SH2D4B: variants seen among roughly 807,000 people sequenced by gnomAD.
SH2D4B encodes the protein SH2 domain containing 4B.
SH2D4B carries 45 observed loss-of-function variants against 61.5 expected under a neutral mutation model. The observed-to-expected ratio is 0.73, with a 90% confidence interval of 0.58 to 0.94. SH2D4B has a LOEUF of 0.94. Among genes scored for constraint, SH2D4B ranks in the 40% least tolerant of loss-of-function variants. SH2D4B has a pLI of 0.00. For missense variants in SH2D4B, 572 were observed against 574.2 expected, an observed-to-expected ratio of 1.00 and a Z score of 0.04; for synonymous variants, 224 against 220.4, an observed-to-expected ratio of 1.02 and a Z score of -0.14.
At chr10:80,612,626 G>A (rs1842616010) in intron 6 of SH2D4B, among the ~76,000 whole-genome samples, 1 of 152,166 alleles carries the variant, frequency 6.6e-6, no homozygotes, top group South Asian at 2.1e-4. Flanking sequence ...TTTTTCTTAC[G>A]AGGAACTGCA....
At chr10:80,564,375 C>G (rs1841941139) in intron 1 of SH2D4B, among the ~76,000 whole-genome samples, 1 of 152,204 alleles carries the variant, frequency 6.6e-6, no homozygotes, top group Non-Finnish European at 1.5e-5. Context: ...TCAGCCCTCC[C>G]CTCATCTACC....
At chr10:80,578,304 C>T (rs745325400) in intron 3 of SH2D4B, among the ~76,000 whole-genome samples, 10 of 152,054 alleles carry the variant, frequency 6.6e-5, no homozygotes, top group Non-Finnish European at 1.5e-4. Context: ...TAGGAATGTA[C>T]CAACAACCTT....
At chr10:80,577,511 C>T (rs1202295955) in intron 3 of SH2D4B, among the ~76,000 whole-genome samples, 1 of 151,746 alleles carries the variant, frequency 6.6e-6, no homozygotes. Flanking sequence ...ACTGCAAGCT[C>T]CACCTCCCAG....
chr10:80,614,339 G>T (rs1024452249), intron 6 of SH2D4B, among the ~76,000 whole-genome samples: 7 of 152,338 alleles, frequency 4.6e-5, no homozygotes, highest in Admixed American at 2.0e-4. Flanking sequence ...TGGGAGGAAG[G>T]TGGGTAGTGG....
intron 6 of SH2D4B, 27 bp from the exon 7 acceptor site, chr10:80,634,258 T>G (rs950708191): frequency 6.7e-7 from 1 of 1,485,218 alleles, no homozygotes; most frequent in Admixed American, 2.5e-5. Flanking sequence ...CTGCTGTGTT[T>G]TTTTGTTTTT....
chr10:80,588,336 T>C (rs545427208), intron 3 of SH2D4B, among the ~76,000 whole-genome samples: 2 of 152,316 alleles, frequency 1.3e-5, no homozygotes, highest in South Asian at 4.1e-4. Flanking sequence ...TGAGTTTCAG[T>C]AATTTGATAC....
In SH2D4B at chr10:80,634,350, C is replaced by T. The variant is rs764622468; in HGVS notation, c.1054C>T (p.Arg352Trp). 42 of 1,550,064 alleles carry T rather than the reference C, an allele frequency of 2.7e-5. No homozygotes were observed. The East Asian group carries it at 4.9e-4, about 18-fold the overall frequency. ...CATGACTGAGGGAGCATTCCTGGTC[C>T]GGGTCAGTGAGAAAATCTGGGGTTA... Reference protein sequence around the residue: ...ENMTEGAFLVRVSEKIWGYTL... With the variant: ...ENMTEGAFLVWVSEKIWGYTL... The change falls in exon 7 of 8, where the codon CGG becomes TGG. Residue 352 changes from arginine to tryptophan, a missense_variant. Arg to Trp is a moderately radical substitution (Grantham distance 101). Transcript: ENST00000646907.
At position 80,571,520 on chromosome 10, in the gene SH2D4B, A is replaced by T. The variant is rs979405480; in HGVS notation, c.437A>T (p.Glu146Val). ...ATCTTGGCGGAGAAGTGGAAAGTGG[A>T]GATGGAAGACCGCAAGGCTGCCAAA... ...ARILAEKWKV[E>V]MEDRKAAKVL... is the part of the protein sequence containing the mutation. Residue 146 changes from glutamate (E) to valine (V), a missense_variant, in exon 3 of 8, where the codon GAG becomes GTG. Transcript: ENST00000646907. 4 of 1,613,972 alleles carry T rather than the reference A, an allele frequency of 2.5e-6. No individual in the cohort carries two copies. Among genetic ancestry groups the T allele is most frequent in the Non-Finnish European group, 3.4e-6 (4 of 1,180,030 alleles).
At chr10:80,570,037 T>C (rs2132117536) in intron 1 of SH2D4B, 117 bp from the exon 2 acceptor site, 1 of 1,275,476 alleles carries the variant, frequency 7.8e-7, no homozygotes, top group East Asian at 2.4e-5. Context: ...GGCATTCTTT[T>C]TGTGGATGAC....
intron 3 of SH2D4B, among the ~76,000 whole-genome samples, chr10:80,586,947 C>T (rs1433351295): frequency 6.6e-6 from 1 of 151,938 alleles, no homozygotes; most frequent in East Asian, 1.9e-4. Flanking sequence ...CGGAGGTCCG[C>T]AGCTTCACTC....
intron 4 of SH2D4B, among the ~76,000 whole-genome samples, chr10:80,598,025 A>C (rs1372002800): frequency 6.6e-6 from 1 of 152,242 alleles, no homozygotes; most frequent in Non-Finnish European, 1.5e-5. Flanking sequence ...TTATACTGAC[A>C]AAAAATCGTG....
At chr10:80,624,337 C>T (rs543181851) in intron 6 of SH2D4B, among the ~76,000 whole-genome samples, 5 of 152,228 alleles carry the variant, frequency 3.3e-5, no homozygotes, top group Non-Finnish European at 5.9e-5. Flanking sequence ...TTAAGGACAG[C>T]TCCTCCAGTT....
chr10:80,607,924 T>C (rs1160728539), intron 5 of SH2D4B, among the ~76,000 whole-genome samples: 2 of 152,080 alleles, frequency 1.3e-5, no homozygotes, highest in Non-Finnish European at 2.9e-5. Flanking sequence ...TGAGACAGAG[T>C]CTTGCTCTGT....
At chr10:80,634,550 G>T (rs2132162348) in intron 7 of SH2D4B, 45 bp downstream of exon 7, 1 of 1,542,216 alleles carries the variant, frequency 6.5e-7, no homozygotes. Context: ...GGAACTGGTG[G>T]AAATTGGAGC....
At chr10:80,593,440 C>A (rs1055747258) in intron 4 of SH2D4B, among the ~76,000 whole-genome samples, 1 of 152,150 alleles carries the variant, frequency 6.6e-6, no homozygotes, top group Admixed American at 6.5e-5. Flanking sequence ...TTCCTAATGG[C>A]GTATTCTTTC....
chr10:80,622,797 A>T (rs12219619), intron 6 of SH2D4B, among the ~76,000 whole-genome samples: 2 of 152,108 alleles, frequency 1.3e-5, no homozygotes, highest in Admixed American at 6.5e-5. Flanking sequence ...CTGTATAGAC[A>T]TTGGTATCAT....
intron 6 of SH2D4B, among the ~76,000 whole-genome samples, chr10:80,622,359 A>G (rs1842724879): frequency 6.6e-6 from 1 of 152,034 alleles, no homozygotes; most frequent in South Asian, 2.1e-4. Flanking sequence ...ATGTGATTTG[A>G]CCTCGATGAT....
intron 1 of SH2D4B, among the ~76,000 whole-genome samples, chr10:80,546,454 C>A (rs1439611355): frequency 6.6e-6 from 1 of 152,082 alleles, no homozygotes; most frequent in Non-Finnish European, 1.5e-5. Flanking sequence ...CCTGTATCTC[C>A]CACCACAGCC....
intron 6 of SH2D4B, 22 bp from the exon 7 acceptor site, chr10:80,634,263 G>A: frequency 2.0e-6 from 3 of 1,490,592 alleles, no homozygotes; most frequent in South Asian, 1.3e-5. Flanking sequence ...GTGTTTTTTT[G>A]TTTTTTTCTA....
Sources: gnomAD v4.1 joint callset for allele counts (sites outside exome capture counted in the v4.1 genomes callset) on GRCh38, gnomAD v4.1.1 for gene constraint, MANE v1.5 for transcripts, NCBI Gene and HGNC (gene_info 2026-07-23, HGNC 2026-07-21) for gene names.